Variants in DENND4C observed in about 807,000 individuals in gnomAD.
DENND4C encodes the protein DENN domain-containing protein 4C.
A neutral mutation model predicts 203.0 loss-of-function variants in DENND4C; 108 were observed. That is an observed-to-expected ratio of 0.53 (90% CI 0.46 to 0.62). The LOEUF is 0.62. Ranked by LOEUF, DENND4C falls within the 20% of genes least tolerant of loss-of-function variation. The probability of loss-of-function intolerance (pLI) is 0.00; values close to 1 mark genes in which losing one functional copy is unlikely to be tolerated. For missense variants in DENND4C, 2,481 were observed against 2,301.2 expected (o/e 1.08, Z -1.60); for synonymous variants, 871 against 792.4 (o/e 1.10, Z -1.67).
intron 1 of DENND4C, among the ~76,000 whole-genome samples, chr9:19,249,575 C>A (rs6475318): frequency 0.2 from 29,692 of 152,006 alleles, 2,989 homozygotes; most frequent in Admixed American, 0.22. Flanking sequence ...AATTTTTTAA[C>A]AAACACAAGA....
intron 1 of DENND4C, among the ~76,000 whole-genome samples, chr9:19,258,665 T>G (rs1588763227): frequency 6.6e-6 from 1 of 152,136 alleles, no homozygotes; most frequent in Admixed American, 6.5e-5. Flanking sequence ...TTTTAAGTTT[T>G]TTTTTTTAAA....
chr9:19,366,215 G>A (rs1381917730), intron 30 of DENND4C, among the ~76,000 whole-genome samples: 1 of 152,208 alleles, frequency 6.6e-6, no homozygotes, highest in Non-Finnish European at 1.5e-5. Flanking sequence ...GGTGTAAAAA[G>A]AGACATAGGT....
intron 17 of DENND4C, among the ~76,000 whole-genome samples, chr9:19,332,847 A>C (rs1588939679): frequency 7.8e-6 from 1 of 128,428 alleles, no homozygotes; most frequent in Non-Finnish European, 1.6e-5. Context: ...TTGAACCCCC[A>C]CCTTGGCCTC....
intron 2 of DENND4C, among the ~76,000 whole-genome samples, chr9:19,282,184 ATT>A (rs1834185744): frequency 6.6e-6 from 1 of 150,414 alleles, no homozygotes; most frequent in Admixed American, 6.6e-5. Flanking sequence ...GTACAAAAAT[ATT>A]TTTCTTTCTT....
At chr9:19,340,471 A>AT (rs34750449) in intron 20 of DENND4C, among the ~76,000 whole-genome samples, 9,525 of 149,496 alleles carry the variant, frequency 0.064, 422 homozygotes, top group Non-Finnish European at 0.097. Flanking sequence ...TACTGATTTT[A>AT]TTTTTTTTTT....
rs1490730676 is a variant in DENND4C at position 19,373,171 on chromosome 9, T to C, written c.*998T>C. 6.6e-6 allele frequency: 1 copy of C among 152,168 alleles called. No individual in the cohort carries two copies. The highest frequency in any genetic ancestry group is 1.5e-5 in the Non-Finnish European group (1 of 68,034). 9.4% of individuals were successfully genotyped at this position (152,168 alleles called of 1,614,324 possible). ...CCACTATTAATGGCAAAAACCGCAA[T>C]TATTTTTGTACCAACATAATACACC... On this transcript the variant is annotated 3_prime_UTR_variant, in exon 33 of 33. Coordinates refer to ENST00000434457, the MANE Select transcript of DENND4C (RefSeq NM_001330640.2).
intron 12 of DENND4C, among the ~76,000 whole-genome samples, chr9:19,323,291 G>A (rs368418082): frequency 4.9e-4 from 74 of 152,154 alleles, no homozygotes; most frequent in Non-Finnish European, 9.4e-4. Context: ...TTAGCCAGTC[G>A]TGGTGATGGG....
chr9:19,314,071 G>C (rs1457063396), intron 10 of DENND4C, among the ~76,000 whole-genome samples: 1 of 150,430 alleles, frequency 6.6e-6, no homozygotes, highest in Non-Finnish European at 1.5e-5. Context: ...AACAGAACGA[G>C]ACTTCCCCTC....
At chr9:19,248,372 C>A (rs1356813065) in intron 1 of DENND4C, among the ~76,000 whole-genome samples, 2 of 151,982 alleles carry the variant, frequency 1.3e-5, no homozygotes, top group East Asian at 3.9e-4. Context: ...CCACTTAGGC[C>A]CCTGCTTAGA....
In DENND4C at chr9:19,334,352, C is replaced by G. The variant is rs555499923; in HGVS notation, c.2461-625C>G. 5.3e-5 allele frequency among the ~76,000 whole-genome samples: 8 copies of G among 152,150 alleles called. No homozygotes were observed. The South Asian group carries it at 1.5e-3, about 28-fold the overall frequency. On this transcript the variant is annotated intron_variant, in intron 17 of 32. Coordinates refer to ENST00000434457, the MANE Select transcript of DENND4C (RefSeq NM_001330640.2). ...AGGCATGAGCTACTGCTCCCGGCCT[C>G]TATCCTTGATTTTAGAAATGAATTA...
At chr9:19,290,557 G>C (rs1276455227) in intron 4 of DENND4C, 147 bp from the exon 5 acceptor site, 2 of 520,456 alleles carry the variant, frequency 3.8e-6, no homozygotes, top group Admixed American at 3.8e-5. Flanking sequence ...TTTAGTTTCT[G>C]TTATAGCAAG....
intron 1 of DENND4C, among the ~76,000 whole-genome samples, chr9:19,245,483 G>T (rs1824960361): frequency 1.3e-5 from 1 of 75,656 alleles, no homozygotes; most frequent in African/African-American, 4.4e-5. Flanking sequence ...AAAAAAATGT[G>T]TTCCAGGTGG....
chr9:19,373,600 T>A lies in DENND4C; in HGVS notation c.*1427T>A, dbSNP rs1021357117. Reference sequence around the variant, plus strand: ...TCTTAAAACTGTAAATTTATTAAGCTTGTTGCCAGTAGGTTTAAGAAAATC... The same window carrying A: ...TCTTAAAACTGTAAATTTATTAAGCATGTTGCCAGTAGGTTTAAGAAAATC... On this transcript the variant is annotated 3_prime_UTR_variant, in exon 33 of 33. Transcript: ENST00000434457. 7 of 152,688 alleles carry A rather than the reference T, an allele frequency of 4.6e-5. No homozygotes were observed. The highest frequency in any genetic ancestry group is 1.7e-4 in the African/African-American group (7 of 41,472). 9.5% of individuals were successfully genotyped at this position (152,688 alleles called of 1,614,324 possible).
rs1336717886 is a variant in DENND4C at position 19,330,010 on chromosome 9, T to C, written c.2253+1848T>C. Among the ~76,000 whole-genome samples the C allele has an allele frequency of 2.0e-5, 3 of 152,238 alleles. No individual in the cohort carries two copies. The South Asian group carries it at 6.2e-4, about 31-fold the overall frequency. ...AAAATCTTAGTTCAGGTTTTACTAATTTATGGGATAGTCCCCTAAATCCTA... is the reference window on the plus strand; with the variant it reads ...AAAATCTTAGTTCAGGTTTTACTAACTTATGGGATAGTCCCCTAAATCCTA... On this transcript the variant is annotated intron_variant, in intron 16 of 32. Coordinates refer to ENST00000434457, the MANE Select transcript of DENND4C (RefSeq NM_001330640.2).
rs987119993 is a variant in DENND4C at position 19,346,518 on chromosome 9, T to A, written c.3749T>A (p.Leu1250Gln). The A allele has an allele frequency of 1.2e-6, 2 of 1,614,060 alleles. No individual in the cohort carries two copies. Among genetic ancestry groups the A allele is most frequent in the Admixed American group, 3.3e-5 (2 of 60,004 alleles). Residue 1250 changes from leucine (L) to glutamine (Q), a missense_variant, in exon 23 of 33, where the codon CTA becomes CAA. By Grantham distance (113) the Leu-to-Gln change is moderately radical. Transcript: ENST00000434457. ...VVQREDVETG[L>Q]DPLSLLATEC... Reference sequence around the variant, plus strand: ...CAGAGGGAAGATGTTGAAACTGGACTAGATCCTTTGTCTCTTTTAGCCACT... The same window carrying A: ...CAGAGGGAAGATGTTGAAACTGGACAAGATCCTTTGTCTCTTTTAGCCACT...
chr9:19,310,756 A>G (rs1280093968), intron 10 of DENND4C, among the ~76,000 whole-genome samples: 1 of 152,148 alleles, frequency 6.6e-6, no homozygotes, highest in Non-Finnish European at 1.5e-5. Flanking sequence ...TGTGCCTCCT[A>G]CAACTTGATG....
At chr9:19,307,393 CAAAA>C (rs753710246) in intron 10 of DENND4C, among the ~76,000 whole-genome samples, 5 of 58,414 alleles carry the variant, frequency 8.6e-5, no homozygotes. Flanking sequence ...GACTCTGTCT[CAAAA>C]AAAAAAAAAA....
intron 17 of DENND4C, among the ~76,000 whole-genome samples, chr9:19,332,983 C>G (rs1819617317): frequency 6.7e-6 from 1 of 149,674 alleles, no homozygotes; most frequent in South Asian, 2.1e-4. Context: ...GGACCTGTGT[C>G]CTAAGGTGAG....
intron 1 of DENND4C, among the ~76,000 whole-genome samples, 163 bp from the exon 2 acceptor site, chr9:19,275,995 C>G (rs1397662803): frequency 2.0e-5 from 3 of 152,082 alleles, no homozygotes; most frequent in Non-Finnish European, 4.4e-5. Context: ...TTGCTTTTAC[C>G]AACTGACAAG....
Sources: gnomAD v4.1 joint callset for allele counts (sites outside exome capture counted in the v4.1 genomes callset) on GRCh38, gnomAD v4.1.1 for gene constraint, MANE v1.5 for transcripts, NCBI Gene and HGNC (gene_info 2026-07-23, HGNC 2026-07-21) for gene names.